The following ANKS1B variants were observed in gnomAD, a reference collection of about 807,000 sequenced individuals.
ANKS1B encodes ankyrin repeat and sterile alpha motif domain containing 1B, also known as ankyrin repeat and sterile alpha motif domain-containing protein 1B.
A neutral mutation model predicts 148.3 loss-of-function variants in ANKS1B; 36 were observed. The ratio of observed to expected loss-of-function variants is 0.24; its 90% CI spans 0.19 to 0.32. The LOEUF is 0.32. Among genes scored for constraint, ANKS1B ranks in the 10% least tolerant of loss-of-function variants. The probability of loss-of-function intolerance (pLI) is 1.00; values close to 1 mark genes in which losing one functional copy is unlikely to be tolerated. For synonymous variants in ANKS1B, 542 were observed against 560.8 expected (o/e 0.97, Z 0.47); for missense variants, 1,157 against 1,542.6 (o/e 0.75, Z 4.19).
chr12:99,959,325 C>T (rs1376944887), intron 1 of ANKS1B, among the ~76,000 whole-genome samples: 1 of 150,996 alleles, frequency 6.6e-6, no homozygotes, highest in African/African-American at 2.4e-5. Flanking sequence ...GATCCACCCG[C>T]CTCAGCCTCC....
chr12:99,508,620 C>T (rs2096734816), intron 9 of ANKS1B, among the ~76,000 whole-genome samples: 1 of 151,648 alleles, frequency 6.6e-6, no homozygotes, highest in African/African-American at 2.4e-5. Context: ...GAACTTGGGT[C>T]CCAATATATA....
intron 8 of ANKS1B, among the ~76,000 whole-genome samples, chr12:99,670,974 A>C (rs2098535275): frequency 6.6e-6 from 1 of 152,174 alleles, no homozygotes; most frequent in Admixed American, 6.5e-5. Flanking sequence ...TCAAGGCACA[A>C]TTTTCTACTT....
At chr12:99,012,810 A>G (rs2153415987) in intron 17 of ANKS1B, among the ~76,000 whole-genome samples, 1 of 152,308 alleles carries the variant, frequency 6.6e-6, no homozygotes, top group East Asian at 1.9e-4. Flanking sequence ...AATTCATTTT[A>G]TAATTTAAGA....
chr12:98,906,133 G>C (rs1218433951), intron 17 of ANKS1B, among the ~76,000 whole-genome samples: 1 of 152,212 alleles, frequency 6.6e-6, no homozygotes, highest in East Asian at 1.9e-4. Context: ...GGGTGAGAAT[G>C]TTCTAATTTG....
intron 9 of ANKS1B, among the ~76,000 whole-genome samples, chr12:99,532,301 T>A (rs1388070743): frequency 6.6e-6 from 1 of 152,214 alleles, no homozygotes; most frequent in African/African-American, 2.4e-5. Context: ...CTAAGTTTTC[T>A]TCTACAATTT....
At chr12:99,697,975 G>A (rs556105985) in intron 8 of ANKS1B, among the ~76,000 whole-genome samples, 35 of 151,994 alleles carry the variant, frequency 2.3e-4, no homozygotes, top group African/African-American at 7.2e-4. Flanking sequence ...TAAGAAAAAC[G>A]GGGCAGAAAA....
At chr12:99,453,344 A>C (rs1046214296) in intron 10 of ANKS1B, among the ~76,000 whole-genome samples, 3 of 152,090 alleles carry the variant, frequency 2.0e-5, no homozygotes, top group African/African-American at 7.2e-5. Flanking sequence ...ACTTCTGGGA[A>C]TAGGTTATAA....
chr12:98,796,197 T>C (rs1306717691), intron 22 of ANKS1B, among the ~76,000 whole-genome samples: 2 of 152,182 alleles, frequency 1.3e-5, no homozygotes, highest in African/African-American at 2.4e-5. Flanking sequence ...TAAGGAAACA[T>C]TGATCAGAAT....
intron 1 of ANKS1B, among the ~76,000 whole-genome samples, chr12:99,935,330 A>G (rs1352779494): frequency 7.0e-6 from 1 of 143,872 alleles, no homozygotes; most frequent in Admixed American, 7.1e-5. Flanking sequence ...GCATATAAGG[A>G]TGTGTTCTTT....
intron 9 of ANKS1B, among the ~76,000 whole-genome samples, chr12:99,599,928 A>G (rs1330582055): frequency 1.3e-5 from 2 of 150,982 alleles, no homozygotes; most frequent in East Asian, 3.9e-4. Flanking sequence ...GGCCATGAGT[A>G]TAGTTGAAAG....
At chr12:99,776,765 C>T (rs948428904) in intron 6 of ANKS1B, among the ~76,000 whole-genome samples, 5 of 152,036 alleles carry the variant, frequency 3.3e-5, no homozygotes, top group African/African-American at 1.2e-4. Flanking sequence ...CTGCAACCTC[C>T]GCCTCCCAGG....
intron 12 of ANKS1B, among the ~76,000 whole-genome samples, chr12:99,304,054 G>A (rs559595682): frequency 7.0e-4 from 107 of 152,110 alleles, no homozygotes; most frequent in Non-Finnish European, 1.4e-3. Flanking sequence ...TTGTGATTGC[G>A]AATTGTGCTG....
At chr12:98,812,972 T>C (rs1375545326) in intron 19 of ANKS1B, among the ~76,000 whole-genome samples, 2 of 152,222 alleles carry the variant, frequency 1.3e-5, no homozygotes, top group Non-Finnish European at 2.9e-5. Context: ...ACTGCTGCAT[T>C]CATAATATGA....
intron 10 of ANKS1B, among the ~76,000 whole-genome samples, chr12:99,478,884 T>C (rs11109861): frequency 0.014 from 2,099 of 152,192 alleles, 17 homozygotes; most frequent in Non-Finnish European, 0.022. Flanking sequence ...AGAAATAGCG[T>C]GAGCCACATA....
intron 17 of ANKS1B, among the ~76,000 whole-genome samples, chr12:98,879,812 T>A (rs3759213): frequency 0.1 from 15,166 of 152,228 alleles, 1,241 homozygotes; most frequent in East Asian, 0.36. Flanking sequence ...AATCTTCATA[T>A]TGATGTACAT....
chr12:99,651,683 A>T (rs567383776), intron 9 of ANKS1B, among the ~76,000 whole-genome samples: 3 of 152,324 alleles, frequency 2.0e-5, no homozygotes, highest in Admixed American at 6.5e-5. Context: ...TTACTATCAG[A>T]TCCTGTTCCT....
chr12:99,605,444 G>C (rs1178724390), intron 9 of ANKS1B, among the ~76,000 whole-genome samples: 1 of 151,818 alleles, frequency 6.6e-6, no homozygotes, highest in Non-Finnish European at 1.5e-5. Flanking sequence ...CTATCTAGTT[G>C]TAACTTTGAA....
At chr12:99,651,443 T>G (rs2098418802) in intron 9 of ANKS1B, among the ~76,000 whole-genome samples, 4 of 152,168 alleles carry the variant, frequency 2.6e-5, no homozygotes, top group African/African-American at 7.2e-5. Flanking sequence ...AGCTTTAAAA[T>G]GACCATATTG....
chr12:99,978,449 A>G (rs1433815500), intron 1 of ANKS1B, among the ~76,000 whole-genome samples: 1 of 152,210 alleles, frequency 6.6e-6, no homozygotes, highest in Non-Finnish European at 1.5e-5. Context: ...ACTCTGGCAG[A>G]TACAGCTCCC....
Sources: allele counts gnomAD v4.1 joint callset (sites outside exome capture counted in the v4.1 genomes callset), GRCh38; gene constraint gnomAD v4.1.1; transcripts MANE v1.5; gene names NCBI Gene and HGNC (gene_info 2026-07-23, HGNC 2026-07-21).